GRID2: variants seen among roughly 807,000 people sequenced by gnomAD.
GRID2 encodes the protein glutamate ionotropic receptor delta type subunit 2, also known as glutamate receptor ionotropic, delta-2.
A neutral mutation model predicts 114.8 loss-of-function variants in GRID2; 33 were observed. The observed-to-expected ratio is 0.29, with a 90% CI of 0.22 to 0.38. The LOEUF (loss-of-function observed/expected upper bound fraction) is 0.38. Ranked by LOEUF, GRID2 falls within the 10% of genes least tolerant of loss-of-function variation. The pLI, the probability that GRID2 is intolerant of heterozygous loss-of-function variation, is 1.00. For synonymous variants in GRID2, 505 were observed against 449.9 expected (o/e 1.12, Z -1.55); for missense variants, 1,184 against 1,257.7 (o/e 0.94, Z 0.89).
In GRID2 at chr4:93,717,803, T is replaced by C. The variant is rs1466101251; in HGVS notation, c.2361-51407T>C. On this transcript the variant is annotated intron_variant, in intron 14 of 15. Transcript: ENST00000282020. ...ATCTTAAAAGCTTATTTTTTACTGT[T>C]AGAATATAGGCAGTTGAAGGGTTAA... Among the ~76,000 whole-genome samples the C allele has an allele frequency of 3.9e-5, 6 of 152,214 alleles. No individual in the cohort carries two copies. In the South Asian group the frequency reaches 1.0e-3, roughly 26 times the overall value.
chr4:93,119,066 G>A (rs1346576871), intron 4 of GRID2, among the ~76,000 whole-genome samples: 4 of 152,012 alleles, frequency 2.6e-5, no homozygotes, highest in Non-Finnish European at 4.4e-5. Flanking sequence ...TCTGTCCCTG[G>A]AGAAATTATG....
intron 8 of GRID2, among the ~76,000 whole-genome samples, chr4:93,316,998 T>C (rs1344680308): frequency 6.6e-6 from 1 of 152,190 alleles, no homozygotes; most frequent in Non-Finnish European, 1.5e-5. Flanking sequence ...GGGATTTAGG[T>C]ATGAGAAGTC....
chr4:93,341,995 T>C (rs2149247542), intron 8 of GRID2, among the ~76,000 whole-genome samples: 1 of 152,338 alleles, frequency 6.6e-6, no homozygotes, highest in East Asian at 1.9e-4. Flanking sequence ...TATCTGAATC[T>C]TCTCTCCTTC....
At chr4:92,648,929 ATTTC>A (rs995339306) in intron 2 of GRID2, among the ~76,000 whole-genome samples, 21 of 143,348 alleles carry the variant, frequency 1.5e-4, no homozygotes, top group Admixed American at 9.7e-4. Flanking sequence ...ATATTTCATT[ATTTC>A]TTTAGAGACA....
intron 2 of GRID2, among the ~76,000 whole-genome samples, chr4:92,766,014 A>T (rs1738246849): frequency 6.7e-6 from 1 of 148,682 alleles, no homozygotes; most frequent in African/African-American, 2.6e-5. Flanking sequence ...AAGTGATCCG[A>T]TTTGCATACT....
At chr4:92,709,178 A>G (rs1735095693) in intron 2 of GRID2, among the ~76,000 whole-genome samples, 1 of 152,178 alleles carries the variant, frequency 6.6e-6, no homozygotes, top group Admixed American at 6.5e-5. Flanking sequence ...TCTCACATAC[A>G]GATTAAGCAA....
chr4:92,917,507 G>A (rs1254321997), intron 2 of GRID2, among the ~76,000 whole-genome samples: 2 of 152,188 alleles, frequency 1.3e-5, no homozygotes, highest in Admixed American at 6.5e-5. Context: ...TAACGTTTAA[G>A]TCTTTAATCG....
At chr4:93,416,554 C>T (rs377295011) in intron 9 of GRID2, among the ~76,000 whole-genome samples, 19 of 152,156 alleles carry the variant, frequency 1.2e-4, no homozygotes, top group African/African-American at 4.6e-4. Context: ...CATATTAAAA[C>T]CTCTAAACAG....
chr4:93,208,471 T>C (rs1743072027), intron 5 of GRID2, among the ~76,000 whole-genome samples: 1 of 152,028 alleles, frequency 6.6e-6, no homozygotes, highest in Non-Finnish European at 1.5e-5. Context: ...GGTACTGCGA[T>C]AATGATCATA....
At chr4:93,741,195 A>ATG (rs1731378753) in intron 14 of GRID2, among the ~76,000 whole-genome samples, 1 of 30,780 alleles carries the variant, frequency 3.2e-5, no homozygotes, top group African/African-American at 1.3e-4. Context: ...ATATATATAT[A>ATG]TATATGTATA....
Position 92,766,739 on chromosome 4 carries a change from T to G in GRID2, c.244+176453T>G, listed in dbSNP as rs754723324. Among the ~76,000 whole-genome samples, 19 of 152,314 alleles carry G rather than the reference T, an allele frequency of 1.2e-4. 1 individual carries two copies. The Middle Eastern group carries it at 0.02, about 164-fold the overall frequency. ...ATTGTTGCTTACTGAAGATGCAGTT[T>G]CATATTTTGCAATGCTTCTGAGAAG... is the stretch of plus-strand genomic sequence containing the variant. On this transcript the variant is annotated intron_variant, in intron 2 of 15. Transcript: ENST00000282020.
At chr4:93,719,012 C>A (rs867426535) in intron 14 of GRID2, among the ~76,000 whole-genome samples, 14 of 151,692 alleles carry the variant, frequency 9.2e-5, no homozygotes, top group Middle Eastern at 3.2e-3. Flanking sequence ...TATAAAAATT[C>A]TTTGAAAGCT....
intron 14 of GRID2, among the ~76,000 whole-genome samples, chr4:93,742,221 G>C (rs1419546852): frequency 6.6e-6 from 1 of 152,044 alleles, no homozygotes; most frequent in Admixed American, 6.6e-5. Flanking sequence ...ATAAATATGA[G>C]TAGTTATGCC....
intron 1 of GRID2, among the ~76,000 whole-genome samples, chr4:92,419,447 G>A (rs1000531227): frequency 2.6e-5 from 4 of 152,042 alleles, no homozygotes; most frequent in African/African-American, 7.2e-5. Context: ...GTCAGTTCTG[G>A]TAAATTAAGA....
chr4:92,420,559 T>C (rs573427222), intron 1 of GRID2, among the ~76,000 whole-genome samples: 1 of 152,284 alleles, frequency 6.6e-6, no homozygotes, highest in Admixed American at 6.5e-5. Flanking sequence ...TGTCTTCTCC[T>C]AATTTCAATC....
chr4:93,758,949 C>T (rs191613197), intron 14 of GRID2, among the ~76,000 whole-genome samples: 2 of 151,906 alleles, frequency 1.3e-5, no homozygotes, highest in Non-Finnish European at 2.9e-5. Context: ...TCACCAAAAG[C>T]GTTCTCTTTC....
chr4:93,363,350 A>G (rs1762046989), intron 8 of GRID2, among the ~76,000 whole-genome samples: 1 of 152,110 alleles, frequency 6.6e-6, no homozygotes, highest in Non-Finnish European at 1.5e-5. Context: ...ATTTCAGGCT[A>G]TGAGATCTAC....
At chr4:92,362,344 T>A (rs1181875727) in intron 1 of GRID2, among the ~76,000 whole-genome samples, 1 of 131,226 alleles carries the variant, frequency 7.6e-6, no homozygotes, top group African/African-American at 2.6e-5. Flanking sequence ...GGAAGTATGA[T>A]TTTTTTTGCC....
rs868669497 is a variant in GRID2, at chr4:93,656,846, A to C, written c.2360+30411A>C. Among the ~76,000 whole-genome samples the C allele has an allele frequency of 4.2e-4, 62 of 148,118 alleles. 1 individual carries two copies. The highest frequency in any genetic ancestry group is 7.3e-4 in the Non-Finnish European group (49 of 67,282). ...CTCTGCCTCAAAAAAAAAAAAAAAAAAAAAAAAAAAACAAATAATTCCAGC... is the reference window on the plus strand; with the variant it reads ...CTCTGCCTCAAAAAAAAAAAAAAAACAAAAAAAAAAACAAATAATTCCAGC... On this transcript the variant is annotated intron_variant, in intron 14 of 15. Coordinates refer to ENST00000282020, the MANE Select transcript of GRID2 (RefSeq NM_001510.4).
Sources: gnomAD v4.1 joint callset for allele counts (sites outside exome capture counted in the v4.1 genomes callset) on GRCh38, gnomAD v4.1.1 for gene constraint, MANE v1.5 for transcripts, NCBI Gene and HGNC (gene_info 2026-07-23, HGNC 2026-07-21) for gene names.